NOX4: variants seen among roughly 807,000 people sequenced by gnomAD.
The protein encoded by NOX4 is NADPH oxidase 4.
NOX4 carries 69 observed loss-of-function variants against 87.6 expected under a neutral mutation model. The observed-to-expected ratio is 0.79, with a 90% CI of 0.65 to 0.96. The LOEUF (loss-of-function observed/expected upper bound fraction) is 0.96, where lower values mean the gene tolerates loss of function less well. Among genes scored for constraint, NOX4 ranks in the 40% least tolerant of loss-of-function variants. The pLI is 0.00. For missense variants in NOX4, 680 were observed against 681.5 expected (o/e 1.00, Z 0.02); for synonymous variants, 275 against 238.2 (o/e 1.15, Z -1.42).
At chr11:89,405,667 T>C (rs766126076) in intron 8 of NOX4, among the ~76,000 whole-genome samples, 5 of 150,032 alleles carry the variant, frequency 3.3e-5, no homozygotes, top group African/African-American at 7.4e-5. Context: ...GTCATTTGGC[T>C]GTAATTAGGT....
intron 2 of NOX4, among the ~76,000 whole-genome samples, chr11:89,477,735 G>T (rs1346521486): frequency 6.6e-6 from 1 of 151,456 alleles, no homozygotes; most frequent in African/African-American, 2.4e-5. Flanking sequence ...CTATAAAATG[G>T]GTCTTTTTCA....
chr11:89,331,298 C>T (rs1338820882), intron 17 of NOX4, among the ~76,000 whole-genome samples: 1 of 151,216 alleles, frequency 6.6e-6, no homozygotes, highest in African/African-American at 2.4e-5. Context: ...AAAATGAAAA[C>T]AAATCAAAAT....
intron 2 of NOX4, among the ~76,000 whole-genome samples, chr11:89,465,824 G>C (rs576001211): frequency 6.9e-6 from 1 of 144,542 alleles, no homozygotes; most frequent in Non-Finnish European, 1.5e-5. Flanking sequence ...TTATGATGGG[G>C]TTTTTTTTTT....
At chr11:89,367,102 T>C (rs1480532833) in intron 12 of NOX4, among the ~76,000 whole-genome samples, 2 of 152,156 alleles carry the variant, frequency 1.3e-5, no homozygotes, top group Non-Finnish European at 2.9e-5. Context: ...AAATAAGCCA[T>C]GTTAAGTTTC....
intron 4 of NOX4, among the ~76,000 whole-genome samples, chr11:89,444,934 T>C (rs1172981757): frequency 1.3e-5 from 2 of 152,128 alleles, no homozygotes; most frequent in East Asian, 3.9e-4. Context: ...GCTAGGGTAA[T>C]AAAAATTATT....
At chr11:89,486,961 A>G (rs1035372055) in intron 2 of NOX4, among the ~76,000 whole-genome samples, 4 of 152,080 alleles carry the variant, frequency 2.6e-5, no homozygotes, top group Non-Finnish European at 5.9e-5. Context: ...TATTAAATAA[A>G]TGTCACTGGT....
At chr11:89,563,372 T>C in the NOX4 span, among the ~76,000 whole-genome samples, 26 of 152,262 alleles carry the variant, frequency 1.7e-4, 1 homozygote, top group East Asian at 4.1e-3. Flanking sequence ...GGTAGGGAGA[T>C]GATTTTATGC....
chr11:89,491,573 CTGT>C (rs1270205118), upstream of NOX4: 17 of 341,256 alleles, frequency 5.0e-5, no homozygotes, highest in East Asian at 3.6e-4. Flanking sequence ...AGGGGCGAGC[CTGT>C]TGTTGTGGCT....
upstream of NOX4, among the ~76,000 whole-genome samples, chr11:89,501,194 T>C (rs536405382): frequency 1.3e-4 from 20 of 151,966 alleles, no homozygotes; most frequent in Non-Finnish European, 2.2e-4. Context: ...CATTTGCAAA[T>C]GGAAAAGAAA....
At chr11:89,575,069 A>T in the NOX4 span, among the ~76,000 whole-genome samples, 179 of 151,948 alleles carry the variant, frequency 1.2e-3, 10 homozygotes, top group Non-Finnish European at 2.9e-5. Flanking sequence ...TGTAATCCCC[A>T]CTACTCTGGA....
intron 2 of NOX4, among the ~76,000 whole-genome samples, chr11:89,474,308 T>A (rs1946073892): frequency 6.6e-6 from 1 of 152,060 alleles, no homozygotes; most frequent in Non-Finnish European, 1.5e-5. Context: ...TCAAATTTAA[T>A]CTTTTTTTTC....
rs1465486215 is a variant in NOX4, at chr11:89,402,495, C to A, written c.677G>T (p.Cys226Phe). The A allele has an allele frequency of 6.2e-7, 1 of 1,611,268 alleles. No homozygotes were observed. The highest frequency in any genetic ancestry group is 8.5e-7 in the Non-Finnish European group (1 of 1,179,120). The change falls in exon 9 of 18, where the codon TGC becomes TTC. Residue 226 changes from cysteine to phenylalanine, a missense_variant. Cys to Phe is a radical substitution (Grantham distance 205, BLOSUM62 -2). Transcript: ENST00000263317. ...AGAGCTGGTTCGGTTAAGACTGATG[C>A]AGCCGGGAGGGTGGGTATCTAAATT... ...QTNLDTHPPG[C>F]ISLNRTSSQN...
intron 14 of NOX4, among the ~76,000 whole-genome samples, chr11:89,340,631 C>T (rs1450890527): frequency 6.6e-6 from 1 of 152,128 alleles, no homozygotes; most frequent in Non-Finnish European, 1.5e-5. Flanking sequence ...GAGCCAAAAC[C>T]ATTCCAGAAA....
rs375877774 is a variant in NOX4 at position 89,340,024 on chromosome 11, T to C, written c.1446+39A>G. 84 of 1,069,262 alleles carry C rather than the reference T, an allele frequency of 7.9e-5. No individual in the cohort carries two copies. In the African/African-American group the frequency reaches 1.2e-3, roughly 15 times the overall value. 66.2% of individuals were successfully genotyped at this position (1,069,262 alleles called of 1,614,324 possible). On this transcript the variant is annotated intron_variant, in intron 15 of 17. Coordinates refer to ENST00000263317, the MANE Select transcript of NOX4 (RefSeq NM_016931.5). Reference sequence around the variant, plus strand: ...AATATAAAAGCTATAACATTTTTAATTTGAAAAATTGCAAAACTAGAACCA... The same window carrying C: ...AATATAAAAGCTATAACATTTTTAACTTGAAAAATTGCAAAACTAGAACCA...
chr11:89,447,276 T>C (rs1380177416), intron 4 of NOX4, among the ~76,000 whole-genome samples: 1 of 152,140 alleles, frequency 6.6e-6, no homozygotes, highest in Non-Finnish European at 1.5e-5. Flanking sequence ...TAAAAGCTTA[T>C]ATATTAACTA....
Position 89,402,451 on chromosome 11 carries a change from C to A in NOX4, c.721G>T (p.Glu241Ter). The change falls in exon 9 of 18, where the codon GAG (glutamate) becomes TAG (stop). Residue 241 changes from glutamate to a stop codon, truncating the protein, a stop_gained. Coordinates refer to ENST00000263317, the MANE Select transcript of NOX4 (RefSeq NM_016931.5). LOFTEE classifies it high-confidence loss of function. ...TCATGAAAATGTTCTGAGAAATACT[C>A]TGGTAAGGAAATATTCTGAGAGCTG... Reference protein sequence around the residue: ...RTSSQNISLPEYFSEHFHEPF... With the variant: ...RTSSQNISLP 6 of 1,612,694 alleles carry A rather than the reference C, an allele frequency of 3.7e-6. No individual in the cohort carries two copies. Among genetic ancestry groups the A allele is most frequent in the Non-Finnish European group, 5.1e-6 (6 of 1,179,388 alleles).
At chr11:89,541,619 T>C in the NOX4 span, among the ~76,000 whole-genome samples, 3 of 152,170 alleles carry the variant, frequency 2.0e-5, no homozygotes, top group Non-Finnish European at 1.5e-5. Context: ...ATAAGTGATA[T>C]ACTCATCATT....
chr11:89,517,130 G>A, the NOX4 span, among the ~76,000 whole-genome samples: 7 of 151,970 alleles, frequency 4.6e-5, no homozygotes, highest in African/African-American at 1.7e-4. Flanking sequence ...TCTCACTTAT[G>A]TCACTTTGAT....
chr11:89,410,508 A>G (rs2135222927), intron 8 of NOX4, among the ~76,000 whole-genome samples: 1 of 152,322 alleles, frequency 6.6e-6, no homozygotes, highest in South Asian at 2.1e-4. Context: ...CAGAACCACT[A>G]TAGTTTACCT....
Sources: allele counts gnomAD v4.1 joint callset (sites outside exome capture counted in the v4.1 genomes callset), GRCh38; gene constraint gnomAD v4.1.1; transcripts MANE v1.5; gene names NCBI Gene and HGNC (gene_info 2026-07-23, HGNC 2026-07-21).